FHIT: variants seen among roughly 807,000 people sequenced by gnomAD.
FHIT encodes the protein bis(5'-adenosyl)-triphosphatase.
FHIT carries 19 observed loss-of-function variants against 17.9 expected under a neutral mutation model. The ratio of observed to expected loss-of-function variants is 1.06; its 90% CI spans 0.74 to 1.56. The LOEUF (loss-of-function observed/expected upper bound fraction) is 1.56. Among genes scored for constraint, FHIT ranks in the 40% most tolerant of loss-of-function variants. The probability of loss-of-function intolerance (pLI) is 0.00; values close to 1 mark genes in which losing one functional copy is unlikely to be tolerated. For missense variants in FHIT, 248 were observed against 189.2 expected (o/e 1.31, Z -1.82); for synonymous variants, 81 against 69.7 (o/e 1.16, Z -0.81).
intron 5 of FHIT, among the ~76,000 whole-genome samples, chr3:60,462,290 C>G (rs1430171328): frequency 6.6e-6 from 1 of 152,208 alleles, no homozygotes; most frequent in Non-Finnish European, 1.5e-5. Context: ...ACAGTGATCA[C>G]TCCCCTTTTA....
intron 8 of FHIT, among the ~76,000 whole-genome samples, chr3:59,871,315 T>C (rs144291002): frequency 2.8e-3 from 427 of 152,298 alleles, no homozygotes; most frequent in African/African-American, 9.4e-3. Context: ...TTTGATCTTA[T>C]AGATAACCTG....
chr3:59,852,890 G>T (rs759116520), intron 8 of FHIT, among the ~76,000 whole-genome samples: 3 of 152,030 alleles, frequency 2.0e-5, no homozygotes, highest in Non-Finnish European at 4.4e-5. Context: ...AGAAACCCTT[G>T]TTGGGATGTA....
intron 5 of FHIT, among the ~76,000 whole-genome samples, chr3:60,441,780 A>AT (rs1491188998): frequency 8.0e-5 from 2 of 25,112 alleles, no homozygotes; most frequent in African/African-American, 1.4e-4. Context: ...TTATATGTAT[A>AT]AAAATATATA....
At chr3:61,039,093 A>G (rs1026869621) in intron 3 of FHIT, among the ~76,000 whole-genome samples, 1 of 152,162 alleles carries the variant, frequency 6.6e-6, no homozygotes, top group Admixed American at 6.5e-5. Flanking sequence ...TATAAAGTAA[A>G]GATTATATGA....
intron 5 of FHIT, among the ~76,000 whole-genome samples, chr3:60,131,434 C>T (rs529496960): frequency 1.1e-4 from 16 of 152,164 alleles, no homozygotes; most frequent in Admixed American, 2.6e-4. Flanking sequence ...TTAACCAATA[C>T]TCATATTCGC....
At chr3:60,254,837 T>C (rs1705906321) in intron 5 of FHIT, among the ~76,000 whole-genome samples, 1 of 152,180 alleles carries the variant, frequency 6.6e-6, no homozygotes, top group South Asian at 2.1e-4. Context: ...AAGCTTGTAG[T>C]CTGGGGATTT....
intron 5 of FHIT, among the ~76,000 whole-genome samples, chr3:60,141,776 A>G (rs1469200061): frequency 2.0e-5 from 3 of 152,232 alleles, no homozygotes; most frequent in African/African-American, 7.2e-5. Flanking sequence ...AACAAACTTC[A>G]GCAAGAAAAC....
At chr3:60,679,252 C>G (rs1485148832) in intron 4 of FHIT, among the ~76,000 whole-genome samples, 1 of 152,108 alleles carries the variant, frequency 6.6e-6, no homozygotes, top group Admixed American at 6.6e-5. Context: ...ATCCGTCCAA[C>G]TGGACAAAAC....
chr3:60,578,440 A>AACACAC (rs71748891), intron 4 of FHIT, among the ~76,000 whole-genome samples: 31,940 of 144,126 alleles, frequency 0.22, 3,653 homozygotes, highest in East Asian at 0.4. Context: ...CCATCTACAA[A>AACACAC]ACACACACAC....
chr3:59,907,412 G>A (rs895588246), intron 8 of FHIT, among the ~76,000 whole-genome samples: 1 of 152,190 alleles, frequency 6.6e-6, no homozygotes, highest in Non-Finnish European at 1.5e-5. Flanking sequence ...TCACTCACCA[G>A]CTTAGCCTTT....
chr3:60,967,826 G>A lies in FHIT; in HGVS notation c.-111+74221C>T, dbSNP rs114932027. ...TAGGACCATGATCAGACTGGCCCAC[G>A]GTATATAATCTACAAATTGACTACT... is the stretch of plus-strand genomic sequence containing the variant. On this transcript the variant is annotated intron_variant, in intron 3 of 9. Coordinates refer to ENST00000492590, the MANE Select transcript of FHIT (RefSeq NM_002012.4). 9.4e-3 allele frequency among the ~76,000 whole-genome samples: 1,427 copies of A among 152,078 alleles called. 18 individuals carry two copies. The highest frequency in any genetic ancestry group is 0.032 in the African/African-American group (1,341 of 41,464).
At chr3:61,152,305 G>T (rs913200993) in intron 2 of FHIT, among the ~76,000 whole-genome samples, 1 of 152,162 alleles carries the variant, frequency 6.6e-6, no homozygotes, top group Non-Finnish European at 1.5e-5. Flanking sequence ...TAGAGAACTG[G>T]TTGCCAAAAA....
intron 5 of FHIT, among the ~76,000 whole-genome samples, chr3:60,228,925 A>C (rs1704351656): frequency 6.6e-6 from 1 of 152,194 alleles, no homozygotes; most frequent in African/African-American, 2.4e-5. Flanking sequence ...AGAGATGAAG[A>C]AACATCAGTA....
At chr3:60,817,565 A>C (rs554565294) in intron 4 of FHIT, among the ~76,000 whole-genome samples, 2 of 151,576 alleles carry the variant, frequency 1.3e-5, no homozygotes, top group Admixed American at 1.3e-4. Flanking sequence ...ACATCATTTC[A>C]ATTTTTCTGG....
At chr3:60,257,241 A>T (rs758753412) in intron 5 of FHIT, among the ~76,000 whole-genome samples, 4 of 152,198 alleles carry the variant, frequency 2.6e-5, no homozygotes, top group Non-Finnish European at 4.4e-5. Context: ...CTATTGCTGA[A>T]AATGTTCTTC....
chr3:60,031,534 A>T (rs564253308), intron 5 of FHIT, among the ~76,000 whole-genome samples: 53 of 152,322 alleles, frequency 3.5e-4, no homozygotes, highest in African/African-American at 1.2e-3. Flanking sequence ...ACTCTGGGCA[A>T]ATAAACTCTT....
chr3:61,224,164 T>C (rs180982917), intron 1 of FHIT, among the ~76,000 whole-genome samples: 1 of 152,320 alleles, frequency 6.6e-6, no homozygotes, highest in Admixed American at 6.5e-5. Context: ...CAATATATTG[T>C]AGCTGGGATC....
intron 4 of FHIT, among the ~76,000 whole-genome samples, chr3:60,576,820 A>T (rs1397557776): frequency 6.6e-6 from 1 of 152,126 alleles, no homozygotes; most frequent in Non-Finnish European, 1.5e-5. Context: ...GTGGTGGATG[A>T]AAACCTATCC....
At chr3:60,637,921 A>G (rs2039629909) in intron 4 of FHIT, among the ~76,000 whole-genome samples, 1 of 152,188 alleles carries the variant, frequency 6.6e-6, no homozygotes, top group African/African-American at 2.4e-5. Context: ...TGAATTGGCA[A>G]ATTTTGTTGT....
Sources: gnomAD v4.1 joint callset for allele counts (sites outside exome capture counted in the v4.1 genomes callset) on GRCh38, gnomAD v4.1.1 for gene constraint, MANE v1.5 for transcripts, NCBI Gene and HGNC (gene_info 2026-07-23, HGNC 2026-07-21) for gene names.